The following SV2C variants were observed in gnomAD, a reference collection of about 807,000 sequenced individuals.
SV2C encodes solute carrier family 22 member B3.
SV2C carries 49 observed loss-of-function variants against 79.7 expected under a neutral mutation model. That is an observed-to-expected ratio of 0.61 (90% CI 0.49 to 0.78). The LOEUF is 0.78. SV2C is among the 30% of genes least tolerant of loss of function. The pLI, the probability that SV2C is intolerant of heterozygous loss-of-function variation, is 0.00. For missense variants in SV2C, 833 were observed against 912.9 expected (o/e 0.91, Z 1.13); for synonymous variants, 334 against 333.2 (o/e 1.00, Z -0.03).
At chr5:76,195,408 A>G (rs886893162) in intron 3 of SV2C, among the ~76,000 whole-genome samples, 4 of 152,200 alleles carry the variant, frequency 2.6e-5, no homozygotes, top group South Asian at 2.1e-4. Context: ...AAAATTTAAC[A>G]TAAGTAGGAA....
At chr5:76,294,515 T>C (rs1225700387) in intron 8 of SV2C, among the ~76,000 whole-genome samples, 1 of 152,186 alleles carries the variant, frequency 6.6e-6, no homozygotes, top group Admixed American at 6.5e-5. Context: ...TTGACCAGGC[T>C]GGTCTCGATC....
chr5:76,089,216 C>T (rs2112092722), intron 1 of SV2C, among the ~76,000 whole-genome samples: 1 of 152,204 alleles, frequency 6.6e-6, no homozygotes, highest in South Asian at 2.1e-4. Flanking sequence ...GTGTATTGTT[C>T]CCCTCCCTGT....
At chr5:75,943,648 G>T in the SV2C span, among the ~76,000 whole-genome samples, 1 of 152,100 alleles carries the variant, frequency 6.6e-6, no homozygotes, top group African/African-American at 2.4e-5. Context: ...GGAGATAGAT[G>T]GTTGACCTTG....
chr5:76,341,459 C>A (rs566849395), intron 12 of SV2C, among the ~76,000 whole-genome samples: 1 of 152,276 alleles, frequency 6.6e-6, no homozygotes, highest in East Asian at 1.9e-4. Flanking sequence ...GGGACTTATG[C>A]AAATGGAGGT....
the SV2C span, among the ~76,000 whole-genome samples, chr5:75,875,415 T>C: frequency 1.3e-5 from 2 of 152,100 alleles, no homozygotes; most frequent in African/African-American, 2.4e-5. Flanking sequence ...TCTTACACTA[T>C]ACACAAAAAT....
At chr5:76,104,281 A>G (rs1437775259) in intron 1 of SV2C, among the ~76,000 whole-genome samples, 2 of 152,196 alleles carry the variant, frequency 1.3e-5, no homozygotes, top group Admixed American at 6.5e-5. Flanking sequence ...GTCCAACAAA[A>G]CGCACTACAA....
At chr5:76,195,450 T>C (rs771920475) in intron 3 of SV2C, among the ~76,000 whole-genome samples, 7 of 152,158 alleles carry the variant, frequency 4.6e-5, no homozygotes, top group Non-Finnish European at 1.0e-4. Context: ...ATGAACTAAT[T>C]AAAGGTTTGA....
chr5:75,978,258 C>G, the SV2C span, among the ~76,000 whole-genome samples: 677 of 152,244 alleles, frequency 4.4e-3, 7 homozygotes, highest in African/African-American at 0.015. Flanking sequence ...TTTCTCTTGG[C>G]CCTCCTTATA....
downstream of SV2C, among the ~76,000 whole-genome samples, chr5:76,335,825 C>A (rs1175149000): frequency 6.6e-6 from 1 of 152,252 alleles, no homozygotes; most frequent in African/African-American, 2.4e-5. Context: ...CTACCTCTTT[C>A]TACACAGACA....
intron 2 of SV2C, chr5:76,173,895 T>A (rs1197366994): frequency 5.6e-6 from 9 of 1,594,778 alleles, no homozygotes; most frequent in Non-Finnish European, 7.7e-6. Context: ...ATCTGTTCTC[T>A]CAGGTCTTGT....
intron 4 of SV2C, among the ~76,000 whole-genome samples, chr5:76,240,308 T>C (rs759558196): frequency 2.8e-4 from 42 of 152,218 alleles, no homozygotes; most frequent in Non-Finnish European, 1.3e-4. Flanking sequence ...CAGATGTATT[T>C]TGACACATCA....
intron 12 of SV2C, among the ~76,000 whole-genome samples, chr5:76,301,930 A>T (rs889801501): frequency 1.3e-5 from 2 of 150,518 alleles, no homozygotes; most frequent in South Asian, 2.1e-4. Context: ...AAAAAAAAAA[A>T]GCCAAACTGT....
In SV2C at chr5:76,325,611, C is replaced by T. The variant is rs540369742; in HGVS notation, c.*64C>T. The T allele has an allele frequency of 1.9e-6, 3 of 1,581,748 alleles. No homozygotes were observed. The African/African-American group carries it at 4.1e-5, about 21-fold the overall frequency. Reference sequence around the variant, plus strand: ...GCCCTGGGTCAATTCTCCTTCCTGACTCAAGGCTTCAGAGTTTTCCTATAT... The same window carrying T: ...GCCCTGGGTCAATTCTCCTTCCTGATTCAAGGCTTCAGAGTTTTCCTATAT... On this transcript the variant is annotated 3_prime_UTR_variant, in exon 13 of 13. Transcript: ENST00000502798.
chr5:75,943,487 C>G, the SV2C span, among the ~76,000 whole-genome samples: 1 of 152,100 alleles, frequency 6.6e-6, no homozygotes. Flanking sequence ...TCTTTTTCTT[C>G]TAGCTCTAGT....
At chr5:76,003,523 C>G in the SV2C span, among the ~76,000 whole-genome samples, 1 of 152,090 alleles carries the variant, frequency 6.6e-6, no homozygotes, top group Admixed American at 6.6e-5. Flanking sequence ...GTTTTGGGAA[C>G]CGTGAAATCC....
chr5:76,197,195 GA>G (rs1744295108), intron 3 of SV2C, among the ~76,000 whole-genome samples: 1 of 152,202 alleles, frequency 6.6e-6, no homozygotes, highest in Non-Finnish European at 1.5e-5. Flanking sequence ...ATGATGTATT[GA>G]AAGTACAAGG....
the SV2C span, among the ~76,000 whole-genome samples, chr5:75,880,188 C>CT: frequency 0.017 from 2,431 of 146,754 alleles, 51 homozygotes; most frequent in African/African-American, 0.054. Context: ...CCTTCAATGC[C>CT]TTTTTTTTTT....
the SV2C span, among the ~76,000 whole-genome samples, chr5:76,037,649 A>G: frequency 6.6e-6 from 1 of 152,146 alleles, no homozygotes; most frequent in Admixed American, 6.5e-5. Context: ...CTCTCTTCAA[A>G]GCTGTCAGAC....
At chr5:76,350,941 G>T (rs1749630841) in intron 12 of SV2C, among the ~76,000 whole-genome samples, 1 of 151,540 alleles carries the variant, frequency 6.6e-6, no homozygotes, top group Non-Finnish European at 1.5e-5. Context: ...TTGAACCCGG[G>T]AGGCGGAGGT....
Sources: gnomAD v4.1 joint callset for allele counts (sites outside exome capture counted in the v4.1 genomes callset) on GRCh38, gnomAD v4.1.1 for gene constraint, MANE v1.5 for transcripts, NCBI Gene and HGNC (gene_info 2026-07-23, HGNC 2026-07-21) for gene names.